Variants in TRIM66 observed in about 807,000 individuals in gnomAD.
TRIM66 encodes tripartite motif containing 66.
A neutral mutation model predicts 148.2 loss-of-function variants in TRIM66; 99 were observed. The ratio of observed to expected loss-of-function variants is 0.67; its 90% CI spans 0.57 to 0.79. The LOEUF (loss-of-function observed/expected upper bound fraction) is 0.79. TRIM66 is among the 30% of genes least tolerant of loss of function. The probability of loss-of-function intolerance (pLI) is 0.00; values close to 1 mark genes in which losing one functional copy is unlikely to be tolerated. For synonymous variants in TRIM66, 616 were observed against 635.9 expected, an observed-to-expected ratio of 0.97 and a Z score of 0.47; for missense variants, 1,666 against 1,697.9, an observed-to-expected ratio of 0.98 and a Z score of 0.33.
rs1323146042 is a variant in TRIM66 at position 8,640,665 on chromosome 11, G to GGCAT, written c.1706_1709dup (p.Gln571CysfsTer67). 3 of 1,551,680 alleles carry GGCAT rather than the reference G, an allele frequency of 1.9e-6. No individual in the cohort carries two copies. Among genetic ancestry groups the GGCAT allele is most frequent in the Non-Finnish European group, 2.6e-6 (3 of 1,146,990 alleles). On this transcript the variant is annotated frameshift_variant, in exon 14 of 25. Transcript: ENST00000646038. LOFTEE classifies it high-confidence loss of function. The stretch of plus-strand genomic sequence containing the variant: ...TAGAGGGTGTCTGTAAGGTGGGCTG[G>GGCAT]GCATGGGCTCCTTGCTGAACATCCT...
chr11:8,660,206 C>A (rs1050218319), intron 6 of TRIM66, among the ~76,000 whole-genome samples: 1 of 152,254 alleles, frequency 6.6e-6, no homozygotes, highest in East Asian at 1.9e-4. Flanking sequence ...CAATTTGGCC[C>A]TAAATTTCCT....
chr11:8,624,664 GC>G (rs2034637388), intron 16 of TRIM66, 48 bp downstream of exon 16: 1 of 1,476,542 alleles, frequency 6.8e-7, no homozygotes, highest in African/African-American at 1.4e-5. Flanking sequence ...CCAATCTTTT[GC>G]CCAATGATGA....
chr11:8,667,336 C>A (rs894131249), intron 6 of TRIM66, among the ~76,000 whole-genome samples: 2 of 152,088 alleles, frequency 1.3e-5, no homozygotes, highest in African/African-American at 4.8e-5. Context: ...ACAACAACAA[C>A]AAAAAACATA....
intron 6 of TRIM66, among the ~76,000 whole-genome samples, chr11:8,653,862 T>G (rs1309699507): frequency 6.7e-6 from 1 of 149,232 alleles, no homozygotes; most frequent in Non-Finnish European, 1.5e-5. Flanking sequence ...ATGACAGGAC[T>G]GTATCTGGAA....
intron 20 of TRIM66, 87 bp downstream of exon 20, chr11:8,620,945 G>A: frequency 6.8e-7 from 1 of 1,472,158 alleles, no homozygotes; most frequent in Non-Finnish European, 9.1e-7. Flanking sequence ...AGCCCATCCT[G>A]GGAGCTCTGT....
rs752686404 is a variant in TRIM66 at position 8,645,807 on chromosome 11, C to T, written c.1038G>A (p.Val346=). ...AGACAGCCCAGTTGATGAAATTCTG[C>T]ACATGCTCAAACTGACGGTTGAGAA... The part of the protein sequence containing the change: ...IMVLNRQFEH[V]QNFINWAVCS... The change falls in exon 12 of 25, where the codon GTG becomes GTA. Residue 346 remains valine (V), a synonymous_variant. Transcript: ENST00000646038. 1 of 1,551,760 alleles carries T rather than the reference C, an allele frequency of 6.4e-7. No individual in the cohort carries two copies. The highest frequency in any genetic ancestry group is 8.7e-7 in the Non-Finnish European group (1 of 1,146,996).
At chr11:8,680,913 G>A (rs1006734924) in intron 1 of TRIM66, 2 of 152,212 alleles carry the variant, frequency 1.3e-5, no homozygotes, top group Non-Finnish European at 2.9e-5. Context: ...GACGCCAACA[G>A]ATTAAAGTAC....
In TRIM66 at chr11:8,621,700, C is replaced by A. The variant is rs1307020109; in HGVS notation, c.3200G>T (p.Gly1067Val). The A allele has an allele frequency of 6.4e-7, 1 of 1,551,656 alleles. No individual in the cohort carries two copies. Among genetic ancestry groups the A allele is most frequent in the Non-Finnish European group, 8.7e-7 (1 of 1,146,936 alleles). ...KLKPQKNDQDGSFLLIIECGT... is the reference protein window; with the variant it reads ...KLKPQKNDQDVSFLLIIECGT... ...ACACTCGATGATCAGCAGGAAGCTC[C>A]CATCCTGATCATTCTTCTGTGGCTT... Residue 1067 changes from glycine (G) to valine (V), a missense_variant, in exon 19 of 25, where the codon GGG becomes GTG. Gly to Val is a moderately radical substitution (Grantham distance 109). Coordinates refer to ENST00000646038, the MANE Select transcript of TRIM66 (RefSeq NM_001388022.1).
rs1275050878 is a variant in TRIM66 at position 8,614,836 on chromosome 11, G to T, written c.*3108C>A. The T allele has an allele frequency of 6.6e-6, 1 of 152,378 alleles. No individual in the cohort carries two copies. The highest frequency in any genetic ancestry group is 1.5e-5 in the Non-Finnish European group (1 of 68,148). The allele number at this position is 152,378 out of a possible 1,614,324, so 9.4% of individuals were successfully genotyped here. On this transcript the variant is annotated 3_prime_UTR_variant, in exon 25 of 25. Coordinates refer to ENST00000646038, the MANE Select transcript of TRIM66 (RefSeq NM_001388022.1). ...TTGCCACTCAGGTAGGGGTCCTAGA[G>T]GCAGGCAAGGTGTATAGTTAGCAAT...
At chr11:8,682,935 G>A (rs2039513564), upstream of TRIM66, 1 of 1,345,564 alleles carries the variant, frequency 7.4e-7, no homozygotes, top group Non-Finnish European at 1.0e-6. Flanking sequence ...GCGCATGGCC[G>A]CCTGCGGGGC....
chr11:8,616,195 T>C lies in TRIM66; in HGVS notation c.*1749A>G, dbSNP rs2033708938. 6.6e-6 allele frequency: 1 copy of C among 152,214 alleles called. No homozygotes were observed. Among genetic ancestry groups the C allele is most frequent in the South Asian group, 2.1e-4 (1 of 4,834 alleles). 9.4% of individuals were successfully genotyped at this position (152,214 alleles called of 1,614,324 possible). On this transcript the variant is annotated 3_prime_UTR_variant, in exon 25 of 25. Coordinates refer to ENST00000646038, the MANE Select transcript of TRIM66 (RefSeq NM_001388022.1). ...GCCCATCTGCTTAGAACGTGGCATGTGCTGCTGAAAGAATGGCAAGCCAAG... is the reference window on the plus strand; with the variant it reads ...GCCCATCTGCTTAGAACGTGGCATGCGCTGCTGAAAGAATGGCAAGCCAAG...
chr11:8,622,671 A>G, intron 18 of TRIM66, 145 bp downstream of exon 18: 1 of 721,280 alleles, frequency 1.4e-6, no homozygotes, highest in Non-Finnish European at 2.4e-6. Flanking sequence ...CCAGACATCC[A>G]CTTGAAGGTT....
chr11:8,614,896 T>C lies in TRIM66; in HGVS notation c.*3048A>G, dbSNP rs977831713. The C allele has an allele frequency of 6.6e-5, 10 of 152,226 alleles. No homozygotes were observed. The highest frequency in any genetic ancestry group is 1.9e-4 in the African/African-American group (8 of 41,440). The allele number at this position is 152,226 out of a possible 1,614,324, so 9.4% of individuals were successfully genotyped here. On this transcript the variant is annotated 3_prime_UTR_variant, in exon 25 of 25. Coordinates refer to ENST00000646038, the MANE Select transcript of TRIM66 (RefSeq NM_001388022.1). Reference sequence around the variant, plus strand: ...TCAGGCAGGGCTAACCTAACCATGTTCTGTGGAAGAGTGCTCTGCAAGTTC... The same window carrying C: ...TCAGGCAGGGCTAACCTAACCATGTCCTGTGGAAGAGTGCTCTGCAAGTTC...
At chr11:8,666,615 C>A (rs1451255885) in intron 6 of TRIM66, among the ~76,000 whole-genome samples, 1 of 152,044 alleles carries the variant, frequency 6.6e-6, no homozygotes, top group Non-Finnish European at 1.5e-5. Flanking sequence ...TAACTACCAC[C>A]ATTAACCCCA....
Position 8,679,764 on chromosome 11 carries a change from G to A in TRIM66, c.-334C>T, listed in dbSNP as rs1160941494. On this transcript the variant is annotated 5_prime_UTR_variant, in exon 3 of 25. Transcript: ENST00000646038. ...TATTCTCAAGACCCCTCTTCCTGCTGGTCACATGCAGTATGTGATTAAGGT... is the reference window on the plus strand; with the variant it reads ...TATTCTCAAGACCCCTCTTCCTGCTAGTCACATGCAGTATGTGATTAAGGT... 2 of 152,622 alleles carry A rather than the reference G, an allele frequency of 1.3e-5. No individual in the cohort carries two copies. Among genetic ancestry groups the A allele is most frequent in the South Asian group, 4.1e-4 (2 of 4,826 alleles). The allele number at this position is 152,622 out of a possible 1,614,324, so 9.5% of individuals were successfully genotyped here. A position where few individuals can be genotyped will look rare whatever the true frequency, so the allele number is the denominator to read the frequency against.
chr11:8,640,252 G>C lies in TRIM66; in HGVS notation c.2123C>G (p.Ser708Cys), dbSNP rs2036247863. 6.4e-7 allele frequency: 1 copy of C among 1,551,660 alleles called. No homozygotes were observed. ...YIVRQPAPVQ[S>C]QSQEETLQAT... ...CTGCAGGGTCTCCTCCTGGCTCTGG[G>C]ACTGGACAGGTGCTGGCTGCCTCAC... is the stretch of plus-strand genomic sequence containing the variant. Residue 708 changes from serine to cysteine, a missense_variant, in exon 14 of 25, where the codon TCC (serine) becomes TGC (cysteine). This residue lies in a region of TRIM66 where 1,431 missense variants were observed against 1,412.4 expected (regional missense o/e 1.01). Coordinates refer to ENST00000646038, the MANE Select transcript of TRIM66 (RefSeq NM_001388022.1).
chr11:8,642,843 C>CAAAAAAAAA (rs60432547), intron 13 of TRIM66, among the ~76,000 whole-genome samples, 166 bp downstream of exon 13: 1 of 73,234 alleles, frequency 1.4e-5, no homozygotes, highest in African/African-American at 5.4e-5. Flanking sequence ...TCTTCCCCCT[C>CAAAAAAAAA]AAAAAAAAAA....
intron 15 of TRIM66, among the ~76,000 whole-genome samples, chr11:8,629,991 T>C (rs149721418): frequency 1.3e-5 from 2 of 152,332 alleles, no homozygotes; most frequent in East Asian, 3.9e-4. Flanking sequence ...GTTAGTTATT[T>C]TTATACTATA....
chr11:8,664,266 T>C (rs542368237), intron 6 of TRIM66, among the ~76,000 whole-genome samples: 6 of 152,334 alleles, frequency 3.9e-5, no homozygotes, highest in African/African-American at 1.2e-4. Context: ...ACATGTCAGT[T>C]AAAAATTTTT....
Sources: allele counts gnomAD v4.1 joint callset (sites outside exome capture counted in the v4.1 genomes callset), GRCh38; gene constraint gnomAD v4.1.1; regional missense constraint gnomAD v4.1.1; transcripts MANE v1.5; gene names NCBI Gene and HGNC (gene_info 2026-07-23, HGNC 2026-07-21).